Variants in CCDC180 observed in about 807,000 individuals in gnomAD.
CCDC180 encodes the protein coiled-coil domain containing 180.
CCDC180 carries 154 observed loss-of-function variants against 209.2 expected under a neutral mutation model. That is an observed-to-expected ratio of 0.74 (90% CI 0.65 to 0.84). CCDC180 has a LOEUF of 0.84. CCDC180 is among the 40% of genes least tolerant of loss of function. The probability of loss-of-function intolerance (pLI) is 0.00; values close to 1 mark genes in which losing one functional copy is unlikely to be tolerated. For missense variants in CCDC180, 1,874 were observed against 1,997.3 expected (o/e 0.94, Z 1.18); for synonymous variants, 778 against 749.1 (o/e 1.04, Z -0.63).
chr9:97,359,429 T>G (rs1446177673), intron 25 of CCDC180, among the ~76,000 whole-genome samples: 1 of 152,036 alleles, frequency 6.6e-6, no homozygotes, highest in Non-Finnish European at 1.5e-5. Context: ...TGCAGAGCGG[T>G]GATTAGGGGA....
At chr9:97,309,180 C>T (rs1344314346) in intron 2 of CCDC180, among the ~76,000 whole-genome samples, 1 of 152,192 alleles carries the variant, frequency 6.6e-6, no homozygotes, top group Non-Finnish European at 1.5e-5. Flanking sequence ...AGATGTTCAT[C>T]TTGATCTTCA....
chr9:97,309,488 G>A lies in CCDC180; in HGVS notation c.144G>A (p.Arg48=), dbSNP rs1832908311. Residue 48 remains arginine (R), a synonymous_variant, in exon 3 of 37, where the codon AGG becomes AGA. Coordinates refer to ENST00000529487, the MANE Select transcript of CCDC180 (RefSeq NM_020893.6). ...AERSVTLKSG[R]IPMMKKVETP... ...GTTCTGTGACCCTGAAGAGTGGCAG[G>A]ATACCCATGATGAAGAAGGTGGAGA... 1.2e-6 allele frequency: 2 copies of A among 1,608,130 alleles called. No homozygotes were observed. The highest frequency in any genetic ancestry group is 1.1e-5 in the South Asian group (1 of 89,898).
intron 24 of CCDC180, 126 bp from the exon 25 acceptor site, chr9:97,357,501 A>AT: frequency 1.4e-6 from 1 of 708,850 alleles, no homozygotes. Context: ...GTAAAACTGC[A>AT]TATTTTTCCC....
Position 97,347,364 on chromosome 9 carries a change from C to G in CCDC180, c.2549C>G (p.Ser850Cys). Reference sequence around the variant, plus strand: ...CTTGAGAAGTGGTTTGACCAGTGTTCCCTCAACACCCGGGTCACCGTGGCC... The same window carrying G: ...CTTGAGAAGTGGTTTGACCAGTGTTGCCTCAACACCCGGGTCACCGTGGCC... ...EHLEKWFDQC[S>C]LNTRVTVATK... Residue 850 changes from serine to cysteine, a missense_variant, in exon 20 of 37, where the codon TCC (serine) becomes TGC (cysteine). Ser to Cys is a moderately radical substitution (Grantham distance 112). Coordinates refer to ENST00000529487, the MANE Select transcript of CCDC180 (RefSeq NM_020893.6). 1 of 1,536,102 alleles carries G rather than the reference C, an allele frequency of 6.5e-7. No individual in the cohort carries two copies. Among genetic ancestry groups the G allele is most frequent in the Non-Finnish European group, 8.7e-7 (1 of 1,146,906 alleles).
intron 18 of CCDC180, among the ~76,000 whole-genome samples, chr9:97,333,749 A>G (rs1402457943): frequency 1.3e-5 from 2 of 151,536 alleles, no homozygotes; most frequent in Non-Finnish European, 2.9e-5. Context: ...TAATGTATTA[A>G]TACTTTTTTA....
chr9:97,370,265 A>G (rs1419644032), intron 32 of CCDC180, among the ~76,000 whole-genome samples, 183 bp downstream of exon 32: 5 of 152,154 alleles, frequency 3.3e-5, no homozygotes, highest in African/African-American at 9.7e-5. Context: ...CAGCTTCTAC[A>G]TAGAAGGTGT....
chr9:97,370,502 C>A, intron 32 of CCDC180, 139 bp from the exon 33 acceptor site: 1 of 960,338 alleles, frequency 1.0e-6, no homozygotes, highest in Non-Finnish European at 1.6e-6. Flanking sequence ...CCCTCTGCCA[C>A]TCTTCTGCCC....
chr9:97,363,971 C>G (rs549703999), intron 28 of CCDC180, 80 bp from the exon 29 acceptor site: 8 of 1,410,078 alleles, frequency 5.7e-6, no homozygotes, highest in South Asian at 1.2e-5. Context: ...TCCAGAAACC[C>G]AGGCAGGGAT....
At chr9:97,333,136 G>C (rs1048730576) in intron 18 of CCDC180, among the ~76,000 whole-genome samples, 1 of 152,142 alleles carries the variant, frequency 6.6e-6, no homozygotes, top group Admixed American at 6.5e-5. Context: ...TGTGGTTTTT[G>C]TTTTTAGTTC....
chr9:97,323,687 C>CTGACT, intron 12 of CCDC180, 94 bp from the exon 13 acceptor site: 1 of 1,403,840 alleles, frequency 7.1e-7, no homozygotes, highest in Non-Finnish European at 9.5e-7. Flanking sequence ...GAGCTCAGGT[C>CTGACT]TGACTTGTGC....
In CCDC180 at chr9:97,307,710, T is replaced by C; in HGVS notation, c.-178T>C. The stretch of plus-strand genomic sequence containing the variant: ...GCATGGCAGAGTGAAGCACAAGCAA[T>C]AATCCTGTATTATTCGCGTTCCCAG... On this transcript the variant is annotated 5_prime_UTR_variant, in exon 1 of 37. Coordinates refer to ENST00000529487, the MANE Select transcript of CCDC180 (RefSeq NM_020893.6). The C allele has an allele frequency of 6.2e-7, 1 of 1,610,216 alleles. No individual in the cohort carries two copies. The highest frequency in any genetic ancestry group is 8.5e-7 in the Non-Finnish European group (1 of 1,176,700).
At chr9:97,374,676 T>C (rs1430094807) in intron 35 of CCDC180, 28 bp downstream of exon 35, 2 of 1,551,784 alleles carry the variant, frequency 1.3e-6, no homozygotes, top group Admixed American at 3.3e-5. Flanking sequence ...CAAGGACTAC[T>C]GTAAATGGCT....
At chr9:97,307,576 T>C (rs1232932241), upstream of CCDC180, 3 of 667,440 alleles carry the variant, frequency 4.5e-6, no homozygotes. Flanking sequence ...CCAATTCTCC[T>C]CCCTGTGTCC....
chr9:97,368,164 CATAAAATATTTTTGTA>C (rs1826979178), intron 31 of CCDC180, among the ~76,000 whole-genome samples: 1 of 152,126 alleles, frequency 6.6e-6, no homozygotes, highest in Admixed American at 6.5e-5. Flanking sequence ...TAAAATGCTG[CATAAAATATTTTTGTA>C]ATAAAATATT....
chr9:97,368,161 C>T (rs927967319), intron 31 of CCDC180, among the ~76,000 whole-genome samples: 6 of 152,162 alleles, frequency 3.9e-5, no homozygotes, highest in Non-Finnish European at 5.9e-5. Context: ...ATGTAAAATG[C>T]TGCATAAAAT....
At position 97,330,408 on chromosome 9, in the gene CCDC180, A is replaced by C; in HGVS notation, c.1915A>C (p.Ser639Arg). The C allele has an allele frequency of 6.2e-7, 1 of 1,614,198 alleles. No homozygotes were observed. The highest frequency in any genetic ancestry group is 8.5e-7 in the Non-Finnish European group (1 of 1,180,034). ...AGAGGACATGACCAGAAGTGAGGAA[A>C]GCATAAGTAGTGGGACAAGTACTGC... ...SKEDMTRSEE[S>R]ISSGTSTARS... The change falls in exon 18 of 37, where the codon AGC becomes CGC. Residue 639 changes from serine (S) to arginine (R), a missense_variant. Physicochemically the swap from Ser to Arg is moderately radical, Grantham distance 110. Transcript: ENST00000529487.
At chr9:97,312,869 A>C (rs992484809) in intron 4 of CCDC180, among the ~76,000 whole-genome samples, 8 of 152,084 alleles carry the variant, frequency 5.3e-5, no homozygotes, top group Non-Finnish European at 1.0e-4. Context: ...CGAGGCTAGG[A>C]ATGGAAGCCA....
intron 29 of CCDC180, 143 bp downstream of exon 29, chr9:97,364,271 C>A: frequency 1.5e-6 from 1 of 671,840 alleles, no homozygotes; most frequent in South Asian, 1.8e-5. Flanking sequence ...ATAGCAAGGT[C>A]AAGGTCAGTT....
rs1825705499 is a variant in CCDC180 at position 97,330,497 on chromosome 9, G to A, written c.2004G>A (p.Glu668=). The A allele has an allele frequency of 1.9e-6, 3 of 1,614,180 alleles. No homozygotes were observed. The highest frequency in any genetic ancestry group is 1.7e-5 in the Admixed American group (1 of 60,012). The change falls in exon 18 of 37, where the codon GAG becomes GAA. Residue 668 remains glutamate, a synonymous_variant. Coordinates refer to ENST00000529487, the MANE Select transcript of CCDC180 (RefSeq NM_020893.6). ...DQEMESFITE[E]VLGQQKKSPL... is the part of the protein sequence containing the mutation. ...AAATGGAGTCCTTCATAACTGAAGA[G>A]GTGCTGGGGCAGCAGAAAAAATCTC...
Sources: gnomAD v4.1 joint callset for allele counts (sites outside exome capture counted in the v4.1 genomes callset) on GRCh38, gnomAD v4.1.1 for gene constraint, MANE v1.5 for transcripts, NCBI Gene and HGNC (gene_info 2026-07-23, HGNC 2026-07-21) for gene names.